Variants in MYH13 observed in about 807,000 individuals in gnomAD.
MYH13 encodes the protein myosin heavy chain 13.
MYH13 carries 177 observed loss-of-function variants against 232.1 expected under a neutral mutation model. The ratio of observed to expected loss-of-function variants is 0.76; its 90% CI spans 0.67 to 0.86. The LOEUF (loss-of-function observed/expected upper bound fraction) is 0.86, where lower values mean the gene tolerates loss of function less well. Ranked by LOEUF, MYH13 falls within the 40% of genes least tolerant of loss-of-function variation. MYH13 has a pLI of 0.00. For synonymous variants in MYH13, 884 were observed against 923.5 expected, an observed-to-expected ratio of 0.96 and a Z score of 0.78; for missense variants, 2,246 against 2,405.9, an observed-to-expected ratio of 0.93 and a Z score of 1.39.
At chr17:10,322,695 G>A (rs188639297) in intron 23 of MYH13, among the ~76,000 whole-genome samples, 34 of 143,652 alleles carry the variant, frequency 2.4e-4, no homozygotes, top group South Asian at 9.6e-4. Flanking sequence ...GTGCAGTGGC[G>A]CAGTCTCAGC....
Position 10,307,045 on chromosome 17 carries a change from G to A in MYH13, c.5189C>T (p.Thr1730Ile). The change falls in exon 36 of 41, where the codon ACC becomes ATC. Residue 1730 changes from threonine (T) to isoleucine (I), a missense_variant. Transcript: ENST00000252172. Reference sequence around the variant, plus strand: ...TATGTCAGCCTCCAGTTTTTTCTTGGTATTTATCAGGCTTGTGTTCTACAA... The same window carrying A: ...TATGTCAGCCTCCAGTTTTTTCTTGATATTTATCAGGCTTGTGTTCTACAA... ...LHSQNTSLIN[T>I]KKKLEADIAQ... 6.2e-7 allele frequency: 1 copy of A among 1,613,934 alleles called. No individual in the cohort carries two copies. The highest frequency in any genetic ancestry group is 2.2e-5 in the East Asian group (1 of 44,882).
At chr17:10,367,702 G>T (rs1398471617) in intron 2 of MYH13, among the ~76,000 whole-genome samples, 2 of 152,224 alleles carry the variant, frequency 1.3e-5, no homozygotes, top group Non-Finnish European at 2.9e-5. Flanking sequence ...AAAGACTAGT[G>T]AGAAGGGTAG....
intron 39 of MYH13, among the ~76,000 whole-genome samples, chr17:10,302,866 G>C (rs1906141863): frequency 6.6e-6 from 1 of 151,810 alleles, no homozygotes. Context: ...GGGTAGACTG[G>C]GGTGGTTCGG....
At chr17:10,344,575 T>C (rs902828921) in intron 15 of MYH13, among the ~76,000 whole-genome samples, 3 of 151,804 alleles carry the variant, frequency 2.0e-5, no homozygotes, top group African/African-American at 7.3e-5. Flanking sequence ...CCCAGTACTT[T>C]GGGAGGCTGA....
chr17:10,349,809 CCTTTTTATT>C (rs1172499801), intron 12 of MYH13, among the ~76,000 whole-genome samples: 1 of 152,094 alleles, frequency 6.6e-6, no homozygotes, highest in Non-Finnish European at 1.5e-5. Context: ...GGCTGCACTT[CCTTTTTATT>C]ACTTGAGAGT....
chr17:10,306,817 T>TG lies in MYH13; in HGVS notation c.5295+121dup, dbSNP rs1906302306. On this transcript the variant is annotated intron_variant, in intron 36 of 40. Transcript: ENST00000252172. The surrounding 1 kb of genome is among the most constrained non-coding windows in gnomAD (Gnocchi z 4.3). ...GAGACTGTACCTCATTACATCTGTC[T>TG]GGGAAGCCACCACTAACCGATTGTT... 3 of 1,556,464 alleles carry TG rather than the reference T, an allele frequency of 1.9e-6. No homozygotes were observed.
At chr17:10,308,556 T>C (rs6503304) in intron 35 of MYH13, among the ~76,000 whole-genome samples, 96,036 of 150,314 alleles carry the variant, frequency 0.64, 30,986 homozygotes, top group African/African-American at 0.73. Flanking sequence ...GGCAAAAATA[T>C]AATATTTATA....
intron 26 of MYH13, among the ~76,000 whole-genome samples, chr17:10,319,733 T>C (rs1906863869): frequency 6.6e-6 from 1 of 152,168 alleles, no homozygotes; most frequent in African/African-American, 2.4e-5. Context: ...CAGTGTGATA[T>C]GCTAAGAATA....
At chr17:10,336,921 C>CT (rs34120509) in intron 18 of MYH13, among the ~76,000 whole-genome samples, 19,856 of 142,364 alleles carry the variant, frequency 0.14, 1,409 homozygotes, top group East Asian at 0.2. Flanking sequence ...AGCACTGTGT[C>CT]TTTTTTTTTT....
At chr17:10,329,497 A>G (rs902159701) in intron 21 of MYH13, among the ~76,000 whole-genome samples, 1 of 152,068 alleles carries the variant, frequency 6.6e-6, no homozygotes, top group Non-Finnish European at 1.5e-5. Context: ...GAGTGATGCA[A>G]TCCTACCCCT....
At position 10,328,010 on chromosome 17, in the gene MYH13, G is replaced by C; in HGVS notation, c.2547C>G (p.Ala849=). 6.2e-7 allele frequency: 1 copy of C among 1,614,048 alleles called. No homozygotes were observed. Among genetic ancestry groups the C allele is most frequent in the South Asian group, 1.1e-5 (1 of 91,052 alleles). The change falls in exon 22 of 41, where the codon GCC becomes GCG. Residue 849 remains alanine, a synonymous_variant. Coordinates refer to ENST00000252172, the MANE Select transcript of MYH13 (RefSeq NM_003802.3). ...CCTTCATGGTGGCCATCTCCTTCTC[G>C]GCCTCTGCACTCTTCAGCAGGGGCT... is the stretch of plus-strand genomic sequence containing the variant. ...KIKPLLKSAE[A]EKEMATMKED... is the part of the protein sequence containing the mutation.
chr17:10,333,322 G>T (rs1181664801), intron 18 of MYH13, 131 bp from the exon 19 acceptor site: 3 of 683,542 alleles, frequency 4.4e-6, no homozygotes, highest in Non-Finnish European at 7.7e-6. Context: ...GTCAGTGCCA[G>T]CTCCAAGGTA....
intron 39 of MYH13, among the ~76,000 whole-genome samples, chr17:10,301,991 A>G (rs1463698688): frequency 6.6e-6 from 1 of 151,828 alleles, no homozygotes; most frequent in Non-Finnish European, 1.5e-5. Context: ...TTCGGGGGAG[A>G]CCTAAGTCCA....
chr17:10,305,360 T>C (rs573361995), intron 37 of MYH13, among the ~76,000 whole-genome samples: 1 of 152,330 alleles, frequency 6.6e-6, no homozygotes, highest in African/African-American at 2.4e-5. Flanking sequence ...TAATTGAAAA[T>C]AAACATTAAA....
chr17:10,329,753 C>G lies in MYH13; in HGVS notation c.2435+634G>C, dbSNP rs866464360. 2.0e-5 allele frequency among the ~76,000 whole-genome samples: 3 copies of G among 152,086 alleles called. 1 individual carries two copies. In the South Asian group the frequency reaches 6.2e-4, roughly 31 times the overall value. On this transcript the variant is annotated intron_variant, in intron 21 of 40. Coordinates refer to ENST00000252172, the MANE Select transcript of MYH13 (RefSeq NM_003802.3). ...ATCCCAGCAATGTGGGAGGCCAAGG[C>G]GGGCGGATCACCTGAGGTCAGGAGT...
Position 10,313,238 on chromosome 17 carries a change from C to G in MYH13, c.4101G>C (p.Lys1367Asn). ...AKAELQRALSKANSEVAQWRT... is the reference protein window; with the variant it reads ...AKAELQRALSNANSEVAQWRT... ...TCCACTGGGCAACCTCACTGTTGGC[C>G]TTGGACAGCGCCCTCTGCAGCTCGG... Residue 1367 changes from lysine (K) to asparagine (N), a missense_variant, in exon 30 of 41, where the codon AAG becomes AAC. Lys to Asn is a moderately conservative substitution (Grantham distance 94). Coordinates refer to ENST00000252172, the MANE Select transcript of MYH13 (RefSeq NM_003802.3). The G allele has an allele frequency of 6.2e-7, 1 of 1,614,202 alleles. No homozygotes were observed. Among genetic ancestry groups the G allele is most frequent in the Non-Finnish European group, 8.5e-7 (1 of 1,180,048 alleles).
intron 16 of MYH13, 39 bp from the exon 17 acceptor site, chr17:10,340,440 A>G: frequency 6.5e-7 from 1 of 1,548,428 alleles, no homozygotes; most frequent in Non-Finnish European, 8.8e-7. Context: ...GATGCATCCC[A>G]GAGGACCCAG....
Position 10,303,435 on chromosome 17 carries a change from C to T in MYH13, c.5530G>A (p.Ala1844Thr). 1 of 1,614,000 alleles carries T rather than the reference C, an allele frequency of 6.2e-7. No individual in the cohort carries two copies. The highest frequency in any genetic ancestry group is 8.5e-7 in the Non-Finnish European group (1 of 1,179,896). The part of the protein sequence containing the change: ...QKRGAEALKG[A>T]HKYERKVKEM... ...TTGACTTTGCGTTCGTACTTGTGGG[C>T]TCCCTTCAGGGCTTCAGCTCCCCTC... The change falls in exon 38 of 41, where the codon GCC becomes ACC. Residue 1844 changes from alanine (A) to threonine (T), a missense_variant. Physicochemically the swap from Ala to Thr is moderately conservative, Grantham distance 58. Transcript: ENST00000252172.
chr17:10,305,052 T>A (rs1906228820), intron 37 of MYH13, among the ~76,000 whole-genome samples: 1 of 152,048 alleles, frequency 6.6e-6, no homozygotes, highest in Non-Finnish European at 1.5e-5. Flanking sequence ...TCCCAAAACC[T>A]CCCCACCCTC....
Sources: allele counts gnomAD v4.1 joint callset (sites outside exome capture counted in the v4.1 genomes callset), GRCh38; gene constraint gnomAD v4.1.1; non-coding constraint Gnocchi (gnomAD v3.1); transcripts MANE v1.5; gene names NCBI Gene and HGNC (gene_info 2026-07-23, HGNC 2026-07-21).